Variants in EYS observed in about 807,000 individuals in gnomAD.
The protein encoded by EYS is protein eyes shut homolog.
Under a neutral mutation model 282.1 loss-of-function variants are expected in EYS, and 250 were observed. That is an observed-to-expected ratio of 0.89 (90% CI 0.80 to 0.98). The LOEUF (loss-of-function observed/expected upper bound fraction) is 0.98, where lower values mean the gene tolerates loss of function less well. Among genes scored for constraint, EYS ranks in the 50% least tolerant of loss-of-function variants. The pLI is 0.00. For missense variants in EYS, 4,016 were observed against 3,709.0 expected, an observed-to-expected ratio of 1.08 and a Z score of -2.15; for synonymous variants, 1,355 against 1,282.9, an observed-to-expected ratio of 1.06 and a Z score of -1.20.
At chr6:63,942,717 A>T (rs1405013687) in intron 35 of EYS, among the ~76,000 whole-genome samples, 1 of 152,110 alleles carries the variant, frequency 6.6e-6, no homozygotes, top group Non-Finnish European at 1.5e-5. Context: ...TTAGAGAAAT[A>T]AAAAAAACAT....
rs534764207 is a variant in EYS, at chr6:64,348,373, T to C, written c.6078+40317A>G. ...GATAATGTTGGATTTTTTTTCCATA[T>C]CATTCCTGTTTGGAAGAAAGCATTA... is the stretch of plus-strand genomic sequence containing the variant. On this transcript the variant is annotated intron_variant, in intron 29 of 42. Transcript: ENST00000503581. 8.6e-5 allele frequency among the ~76,000 whole-genome samples: 13 copies of C among 151,596 alleles called. 1 individual carries two copies. In the South Asian group the frequency reaches 2.7e-3, roughly 31 times the overall value.
chr6:64,008,499 C>T (rs967302970), intron 33 of EYS, among the ~76,000 whole-genome samples: 1 of 152,086 alleles, frequency 6.6e-6, no homozygotes, highest in Non-Finnish European at 1.5e-5. Context: ...AGATTTGATC[C>T]TGTCATCATG....
intron 12 of EYS, among the ~76,000 whole-genome samples, chr6:65,148,974 T>G (rs1764548257): frequency 6.6e-6 from 1 of 152,070 alleles, no homozygotes; most frequent in Admixed American, 6.6e-5. Flanking sequence ...GTCCTGAGGC[T>G]GCACGGAGTG....
intron 31 of EYS, among the ~76,000 whole-genome samples, chr6:64,132,158 A>T (rs1000081958): frequency 7.9e-5 from 12 of 152,082 alleles, no homozygotes; most frequent in Non-Finnish European, 1.3e-4. Context: ...AAACTAGATG[A>T]TTTGCTTTCA....
At chr6:64,205,274 G>A (rs189534624) in intron 31 of EYS, among the ~76,000 whole-genome samples, 30 of 152,152 alleles carry the variant, frequency 2.0e-4, no homozygotes, top group Middle Eastern at 6.8e-3. Flanking sequence ...AAGATCAGTC[G>A]TATTTGTACT....
intron 26 of EYS, among the ~76,000 whole-genome samples, chr6:64,554,781 A>G (rs1181020659): frequency 6.6e-6 from 1 of 151,990 alleles, no homozygotes; most frequent in Non-Finnish European, 1.5e-5. Flanking sequence ...AAAATGTTTA[A>G]TGCCACTATT....
intron 5 of EYS, among the ~76,000 whole-genome samples, chr6:65,481,709 C>T (rs929302605): frequency 5.9e-5 from 9 of 152,040 alleles, no homozygotes; most frequent in Admixed American, 2.0e-4. Flanking sequence ...CCACCACGCT[C>T]GGCTAATTTT....
At chr6:65,115,332 A>C (rs1775335317) in intron 12 of EYS, among the ~76,000 whole-genome samples, 1 of 152,034 alleles carries the variant, frequency 6.6e-6, no homozygotes. Flanking sequence ...ATCCATGTTC[A>C]TCTTTATCAC....
At chr6:65,372,410 C>T (rs892665889) in intron 8 of EYS, among the ~76,000 whole-genome samples, 1 of 151,894 alleles carries the variant, frequency 6.6e-6, no homozygotes, top group African/African-American at 2.4e-5. Flanking sequence ...GAAAAGAATG[C>T]CTGAATCATT....
chr6:64,319,477 G>T (rs1235151640), intron 29 of EYS, among the ~76,000 whole-genome samples: 1 of 151,972 alleles, frequency 6.6e-6, no homozygotes, highest in Non-Finnish European at 1.5e-5. Context: ...ACTGTGAATA[G>T]GGCTTCTGCT....
intron 30 of EYS, among the ~76,000 whole-genome samples, chr6:64,240,531 C>T (rs1020743458): frequency 2.6e-5 from 4 of 152,078 alleles, no homozygotes; most frequent in Non-Finnish European, 2.9e-5. Context: ...AATGGGAGTT[C>T]ACTCATGATT....
intron 8 of EYS, among the ~76,000 whole-genome samples, chr6:65,357,793 GAA>G (rs1210502611): frequency 6.6e-6 from 1 of 151,926 alleles, no homozygotes; most frequent in Non-Finnish European, 1.5e-5. Context: ...GCCAATAAAA[GAA>G]AAGTAATTAT....
At chr6:65,000,215 G>A (rs1303438393) in intron 13 of EYS, among the ~76,000 whole-genome samples, 1 of 152,140 alleles carries the variant, frequency 6.6e-6, no homozygotes, top group Non-Finnish European at 1.5e-5. Context: ...CACTGAAGAA[G>A]CGAGCCACTC....
chr6:64,885,674 T>G (rs2150062617), intron 19 of EYS, among the ~76,000 whole-genome samples: 1 of 151,932 alleles, frequency 6.6e-6, no homozygotes, highest in Admixed American at 6.6e-5. Flanking sequence ...TGGGAAATAT[T>G]AACTTAATCT....
chr6:65,053,378 CAT>C (rs1773328054), intron 13 of EYS, among the ~76,000 whole-genome samples: 1 of 151,684 alleles, frequency 6.6e-6, no homozygotes, highest in African/African-American at 2.4e-5. Flanking sequence ...TGCATAAACT[CAT>C]AAAGTTATGT....
At chr6:64,264,775 G>C (rs1207604680) in intron 30 of EYS, among the ~76,000 whole-genome samples, 1 of 151,878 alleles carries the variant, frequency 6.6e-6, no homozygotes, top group African/African-American at 2.4e-5. Flanking sequence ...CCGGGTGTGG[G>C]CTCCTCTATT....
intron 22 of EYS, among the ~76,000 whole-genome samples, chr6:64,663,018 T>C (rs77977045): frequency 1.1e-4 from 17 of 152,306 alleles, no homozygotes; most frequent in Admixed American, 4.6e-4. Context: ...TTGCAGATCT[T>C]TGAATAGGAA....
At chr6:65,613,857 T>C (rs1390313626) in intron 2 of EYS, among the ~76,000 whole-genome samples, 1 of 151,768 alleles carries the variant, frequency 6.6e-6, no homozygotes, top group African/African-American at 2.4e-5. Flanking sequence ...TCAAACCTAA[T>C]TTTTTTATGT....
At chr6:65,491,517 T>G (rs1766042720) in intron 4 of EYS, 1 of 368,248 alleles carries the variant, frequency 2.7e-6, no homozygotes, top group African/African-American at 2.1e-5. Flanking sequence ...TTGATGTCTT[T>G]CAAATTCCTT....
Sources: allele counts gnomAD v4.1 joint callset (sites outside exome capture counted in the v4.1 genomes callset), GRCh38; gene constraint gnomAD v4.1.1; transcripts MANE v1.5; gene names NCBI Gene and HGNC (gene_info 2026-07-23, HGNC 2026-07-21).